Variants in PDE8A observed in about 807,000 individuals in gnomAD.
The protein encoded by PDE8A is phosphodiesterase 8A, also known as high affinity cAMP-specific and IBMX-insensitive 3',5'-cyclic phosphodiesterase 8A.
In PDE8A, 59 loss-of-function variants were observed where a neutral mutation model predicts 105.0. The observed-to-expected ratio is 0.56, with a 90% CI of 0.46 to 0.70. PDE8A has a LOEUF of 0.70. Among genes scored for constraint, PDE8A ranks in the 30% least tolerant of loss-of-function variants. PDE8A has a pLI of 0.00. For synonymous variants in PDE8A, 355 were observed against 371.9 expected (o/e 0.95, Z 0.52); for missense variants, 1,014 against 1,045.9 (o/e 0.97, Z 0.42).
chr15:85,068,912 T>G (rs991791599), intron 3 of PDE8A, among the ~76,000 whole-genome samples: 2 of 152,230 alleles, frequency 1.3e-5, no homozygotes, highest in South Asian at 4.1e-4. Context: ...AACATTAACT[T>G]TATGTTCCAC....
chr15:85,105,670 G>A lies in PDE8A; in HGVS notation c.1037-3383G>A, dbSNP rs28703945. On this transcript the variant is annotated intron_variant, in intron 11 of 21. Transcript: ENST00000394553. ...CAGAGTTTATGGACCCTATTTTACAGAACAGGAAGCCAAGAGCAGAGACAT... is the reference window on the plus strand; with the variant it reads ...CAGAGTTTATGGACCCTATTTTACAAAACAGGAAGCCAAGAGCAGAGACAT... Among the ~76,000 whole-genome samples, 515 of 152,274 alleles carry A rather than the reference G, an allele frequency of 3.4e-3. 1 individual carries two copies. The highest frequency in any genetic ancestry group is 0.012 in the African/African-American group (490 of 41,546).
intron 17 of PDE8A, among the ~76,000 whole-genome samples, chr15:85,118,093 G>A (rs1391844377): frequency 6.6e-6 from 1 of 152,174 alleles, no homozygotes; most frequent in Non-Finnish European, 1.5e-5. Flanking sequence ...AACCTAACAA[G>A]GACAGGATAG....
Position 85,134,626 on chromosome 15 carries a change from G to A in PDE8A, c.2254-1908G>A, listed in dbSNP as rs180880673. Among the ~76,000 whole-genome samples the A allele has an allele frequency of 9.5e-4, 145 of 152,234 alleles. 1 individual carries two copies. The highest frequency in any genetic ancestry group is 3.4e-3 in the African/African-American group (140 of 41,522). On this transcript the variant is annotated intron_variant, in intron 20 of 21. Coordinates refer to ENST00000394553, the MANE Select transcript of PDE8A (RefSeq NM_002605.3). ...CTTCTGACTTTTGCTCAGTCCCACA[G>A]TCTAGCACTGTTCACCTGACTTTCT...
chr15:84,987,307 A>G (rs2142142980), intron 1 of PDE8A, among the ~76,000 whole-genome samples: 1 of 152,200 alleles, frequency 6.6e-6, no homozygotes, highest in South Asian at 2.1e-4. Flanking sequence ...CATTGTCACA[A>G]TTCTGTTACC....
At chr15:85,021,482 C>G (rs1197978802) in intron 1 of PDE8A, among the ~76,000 whole-genome samples, 1 of 152,018 alleles carries the variant, frequency 6.6e-6, no homozygotes, top group African/African-American at 2.4e-5. Context: ...TGCTTGTGCC[C>G]AGGAATTCAA....
At chr15:85,135,433 A>G (rs986400249) in intron 20 of PDE8A, among the ~76,000 whole-genome samples, 5 of 151,902 alleles carry the variant, frequency 3.3e-5, no homozygotes, top group African/African-American at 1.2e-4. Flanking sequence ...AGTGTTCAAT[A>G]CAACAGCCAC....
At chr15:85,072,905 G>C (rs915680724) in intron 3 of PDE8A, among the ~76,000 whole-genome samples, 41 of 152,154 alleles carry the variant, frequency 2.7e-4, no homozygotes, top group African/African-American at 9.7e-4. Context: ...TTGAGCCCAG[G>C]AGTTCGAGAC....
intron 1 of PDE8A, among the ~76,000 whole-genome samples, chr15:84,988,465 G>C: frequency 6.6e-6 from 1 of 152,232 alleles, no homozygotes; most frequent in Non-Finnish European, 1.5e-5. Flanking sequence ...GTTAACTCCT[G>C]AAGCTAGATA....
chr15:85,031,769 T>C (rs2080619026), intron 1 of PDE8A, among the ~76,000 whole-genome samples: 1 of 152,176 alleles, frequency 6.6e-6, no homozygotes. Flanking sequence ...CATGCTGTTA[T>C]TGGTGGTGAC....
chr15:85,113,145 G>A (rs2082043479), intron 12 of PDE8A, among the ~76,000 whole-genome samples: 1 of 152,188 alleles, frequency 6.6e-6, no homozygotes, highest in African/African-American at 2.4e-5. Flanking sequence ...TCTCTGGCCT[G>A]TGACATCAGA....
chr15:85,023,273 T>A (rs2080458682), intron 1 of PDE8A, among the ~76,000 whole-genome samples: 1 of 152,164 alleles, frequency 6.6e-6, no homozygotes, highest in African/African-American at 2.4e-5. Context: ...CCAAAGGATT[T>A]CTAGGCTTCT....
At chr15:85,089,494 A>G (rs2081606984) in intron 7 of PDE8A, 78 bp downstream of exon 7, 2 of 732,708 alleles carry the variant, frequency 2.7e-6, no homozygotes, top group African/African-American at 1.9e-5. Flanking sequence ...CCTCTCCAAT[A>G]TGATTTTTTT....
chr15:85,103,695 C>T (rs2081902832), intron 11 of PDE8A, among the ~76,000 whole-genome samples: 2 of 152,214 alleles, frequency 1.3e-5, no homozygotes, highest in South Asian at 2.1e-4. Context: ...CAATTGTCCC[C>T]ACTGCCGTAG....
At chr15:85,011,292 G>A (rs1433449950) in intron 1 of PDE8A, among the ~76,000 whole-genome samples, 8 of 152,146 alleles carry the variant, frequency 5.3e-5, no homozygotes, top group Non-Finnish European at 7.3e-5. Flanking sequence ...TTATTTGCTG[G>A]ATGATTTTTG....
intron 1 of PDE8A, among the ~76,000 whole-genome samples, chr15:85,025,813 C>T (rs934904759): frequency 1.3e-5 from 2 of 152,192 alleles, no homozygotes; most frequent in African/African-American, 4.8e-5. Context: ...AAGCCAGGAA[C>T]ACCTTGAGAC....
rs752125032 is a variant in PDE8A, at chr15:85,117,780, A to G, written c.1675A>G (p.Thr559Ala). The G allele has an allele frequency of 3.1e-6, 5 of 1,613,894 alleles. No homozygotes were observed. Among genetic ancestry groups the G allele is most frequent in the African/African-American group, 2.7e-5 (2 of 74,926 alleles). Residue 559 changes from threonine to alanine, a missense_variant, in exon 17 of 22, where the codon ACA (threonine) becomes GCA (alanine). Transcript: ENST00000394553. Reference sequence around the variant, plus strand: ...TTCCTCCAATCCCTACCACAATTCTACACATTCTGCTGATGTGCTTCATGC... The same window carrying G: ...TTCCTCCAATCCCTACCACAATTCTGCACATTCTGCTGATGTGCTTCATGC... ...YHSSNPYHNS[T>A]HSADVLHATA...
intron 1 of PDE8A, among the ~76,000 whole-genome samples, chr15:84,999,573 T>TTGC (rs1378918267): frequency 4.6e-5 from 7 of 151,680 alleles, no homozygotes; most frequent in Admixed American, 1.3e-4. Context: ...GTTGTTGTTG[T>TTGC]TGCTGTTTTT....
intron 1 of PDE8A, among the ~76,000 whole-genome samples, chr15:85,029,006 G>C (rs1486599031): frequency 2.6e-5 from 4 of 151,920 alleles, no homozygotes; most frequent in Non-Finnish European, 5.9e-5. Flanking sequence ...GAAATGTAAA[G>C]AAAAGAAATG....
intron 1 of PDE8A, among the ~76,000 whole-genome samples, chr15:85,018,997 C>T (rs2080374899): frequency 6.6e-6 from 1 of 152,084 alleles, no homozygotes; most frequent in Admixed American, 6.5e-5. Flanking sequence ...TAGAAATTGT[C>T]CTTTTTTATA....
Sources: gnomAD v4.1 joint callset for allele counts (sites outside exome capture counted in the v4.1 genomes callset) on GRCh38, gnomAD v4.1.1 for gene constraint, MANE v1.5 for transcripts, NCBI Gene and HGNC (gene_info 2026-07-23, HGNC 2026-07-21) for gene names.